SOAT1: variants seen among roughly 807,000 people sequenced by gnomAD.
The protein encoded by SOAT1 is sterol O-acyltransferase 1, also known as acyl-coenzyme A:cholesterol acyltransferase 1.
Under a neutral mutation model 69.5 loss-of-function variants are expected in SOAT1, and 55 were observed. The observed-to-expected ratio is 0.79, with a 90% CI of 0.64 to 0.99. SOAT1 has a LOEUF of 0.99. Among genes scored for constraint, SOAT1 ranks in the 50% least tolerant of loss-of-function variants. The pLI is 0.00. For missense variants in SOAT1, 580 were observed against 669.3 expected, an observed-to-expected ratio of 0.87 and a Z score of 1.47; for synonymous variants, 231 against 224.7, an observed-to-expected ratio of 1.03 and a Z score of -0.25.
At chr1:179,316,782 T>G (rs1441551354) in intron 2 of SOAT1, among the ~76,000 whole-genome samples, 1 of 152,234 alleles carries the variant, frequency 6.6e-6, no homozygotes, top group African/African-American at 2.4e-5. Context: ...TCAGCTATAA[T>G]CACCTCAAAT....
At position 179,356,936 on chromosome 1, in the gene SOAT1, A is replaced by C. The variant is rs1270168312; in HGVS notation, c.*3295A>C. The C allele has an allele frequency of 6.6e-6, 1 of 151,006 alleles. No homozygotes were observed. Among genetic ancestry groups the C allele is most frequent in the Non-Finnish European group, 1.5e-5 (1 of 67,840 alleles). 9.4% of individuals were successfully genotyped at this position (151,006 alleles called of 1,614,324 possible). A position where few individuals can be genotyped will look rare whatever the true frequency, so the allele number is the denominator to read the frequency against. On this transcript the variant is annotated 3_prime_UTR_variant, in exon 16 of 16. Coordinates refer to ENST00000367619, the MANE Select transcript of SOAT1 (RefSeq NM_003101.6). ...ACTCTTCACCTCAAGCAAAACTCCC[A>C]CTGCAGAAAGCTTTGGGATTACAGG... is the stretch of plus-strand genomic sequence containing the variant.
chr1:179,341,038 G>C lies in SOAT1; in HGVS notation c.508G>C (p.Glu170Gln), dbSNP rs892094540. 7.4e-6 allele frequency: 12 copies of C among 1,613,688 alleles called. No homozygotes were observed. The Admixed American group carries it at 1.0e-4, about 13-fold the overall frequency. The change falls in exon 7 of 16, where the codon GAG becomes CAG. Residue 170 changes from glutamate to glutamine, a missense_variant. Physicochemically the swap from Glu to Gln is conservative, Grantham distance 29. Coordinates refer to ENST00000367619, the MANE Select transcript of SOAT1 (RefSeq NM_003101.6). ...ACCTTTTCTCCCCAGGCTGGTGCTT[G>C]AGTTCAGCCTCCTGTCTTATGCTTT... ...DYIDEGRLVL[E>Q]FSLLSYAFGK... is the part of the protein sequence containing the mutation.
At chr1:179,352,959 A>G (rs1443721904) in intron 15 of SOAT1, among the ~76,000 whole-genome samples, 1 of 150,976 alleles carries the variant, frequency 6.6e-6, no homozygotes, top group African/African-American at 2.4e-5. Flanking sequence ...TGATTTTTCA[A>G]ATGCTTGCTT....
chr1:179,301,111 A>C (rs531835404), intron 1 of SOAT1, among the ~76,000 whole-genome samples: 41 of 152,090 alleles, frequency 2.7e-4, no homozygotes, highest in South Asian at 1.0e-3. Context: ...ATAAATAAAT[A>C]ATTTTGAGAT....
intron 2 of SOAT1, among the ~76,000 whole-genome samples, chr1:179,310,208 A>ATT (rs35647660): frequency 0.016 from 2,425 of 150,244 alleles, 25 homozygotes; most frequent in African/African-American, 0.026. Flanking sequence ...CTGCTTATAG[A>ATT]TATTTTTTTT....
At chr1:179,349,876 C>G (rs531604863) in intron 13 of SOAT1, among the ~76,000 whole-genome samples, 18 of 152,178 alleles carry the variant, frequency 1.2e-4, no homozygotes, top group Non-Finnish European at 2.6e-4. Flanking sequence ...TTCTGTCATT[C>G]AAGTGTAGTT....
intron 2 of SOAT1, among the ~76,000 whole-genome samples, chr1:179,307,826 T>C (rs1665061956): frequency 6.6e-6 from 1 of 151,764 alleles, no homozygotes; most frequent in African/African-American, 2.4e-5. Flanking sequence ...AGTTTTGCTC[T>C]TGTTGCCCAG....
chr1:179,327,821 G>A (rs1324204116), intron 3 of SOAT1, among the ~76,000 whole-genome samples: 1 of 152,102 alleles, frequency 6.6e-6, no homozygotes, highest in African/African-American at 2.4e-5. Flanking sequence ...AGTGAGGGAA[G>A]TGATAACATG....
Position 179,351,013 on chromosome 1 carries a change from A to ATTTC in SOAT1, c.1451-296_1451-293dup, listed in dbSNP as rs1290612319. ...ATAAATTATGTTTTGATACCTGTAT[A>ATTTC]TTTCTTTCTTTTTTTTTTTTTTTTT... On this transcript the variant is annotated intron_variant, in intron 14 of 15. Coordinates refer to ENST00000367619, the MANE Select transcript of SOAT1 (RefSeq NM_003101.6). Among the ~76,000 whole-genome samples, 202 of 75,140 alleles carry ATTTC rather than the reference A, an allele frequency of 2.7e-3. 39 individuals carry two copies. Among genetic ancestry groups the ATTTC allele is most frequent in the Non-Finnish European group, 2.4e-3 (91 of 38,426 alleles). 49.3% of individuals were successfully genotyped at this position (75,140 alleles called of 152,430 possible). A position where few individuals can be genotyped will look rare whatever the true frequency, so the allele number is the denominator to read the frequency against.
chr1:179,327,906 A>G (rs1025129175), intron 3 of SOAT1, among the ~76,000 whole-genome samples: 1 of 152,176 alleles, frequency 6.6e-6, no homozygotes, highest in African/African-American at 2.4e-5. Flanking sequence ...CTTGTTAAAA[A>G]AGGTTTTCAG....
intron 2 of SOAT1, among the ~76,000 whole-genome samples, chr1:179,305,742 T>C (rs1289391184): frequency 6.6e-6 from 1 of 152,202 alleles, no homozygotes; most frequent in Non-Finnish European, 1.5e-5. Flanking sequence ...CCAAGACTTA[T>C]TATCTGTCTT....
chr1:179,299,570 A>G (rs1362506832), intron 1 of SOAT1, among the ~76,000 whole-genome samples: 1 of 152,100 alleles, frequency 6.6e-6, no homozygotes, highest in African/African-American at 2.4e-5. Context: ...GAAAATAACA[A>G]TAGTATCTGT....
intron 3 of SOAT1, among the ~76,000 whole-genome samples, chr1:179,332,397 T>C (rs1666002396): frequency 6.6e-6 from 1 of 152,240 alleles, no homozygotes; most frequent in African/African-American, 2.4e-5. Context: ...ATAGGGTCTT[T>C]GTATTATGGT....
intron 11 of SOAT1, among the ~76,000 whole-genome samples, chr1:179,345,986 T>TACCTAGTACTATGCCAGGTGCA (rs1666521053): frequency 6.6e-6 from 1 of 152,242 alleles, no homozygotes; most frequent in East Asian, 1.9e-4. Flanking sequence ...GACTCAGAAG[T>TACCTAGTACTATGCCAGGTGCA]GAACAAGAGA....
intron 3 of SOAT1, among the ~76,000 whole-genome samples, chr1:179,334,963 C>T (rs1033474276): frequency 7.6e-5 from 11 of 145,448 alleles, no homozygotes; most frequent in African/African-American, 1.8e-4. Context: ...TGCGGTGAGC[C>T]GAGATCGTGC....
chr1:179,324,689 T>G (rs1328885745), intron 3 of SOAT1, among the ~76,000 whole-genome samples: 2 of 152,236 alleles, frequency 1.3e-5, no homozygotes, highest in Non-Finnish European at 1.5e-5. Context: ...GTGCTTTGTT[T>G]CTCCATCATA....
At chr1:179,318,619 C>T (rs1665478341) in intron 2 of SOAT1, among the ~76,000 whole-genome samples, 2 of 151,992 alleles carry the variant, frequency 1.3e-5, no homozygotes, top group Admixed American at 6.6e-5. Flanking sequence ...CCCTTTTTGC[C>T]ATAACCCCGC....
intron 14 of SOAT1, 150 bp downstream of exon 14, chr1:179,350,581 CT>C: frequency 1.4e-6 from 1 of 709,492 alleles, no homozygotes; most frequent in South Asian, 2.1e-5. Context: ...AGAATATTGA[CT>C]TTGAATAATT....
intron 15 of SOAT1, among the ~76,000 whole-genome samples, 162 bp from the exon 16 acceptor site, chr1:179,353,423 C>T (rs74608043): frequency 0.014 from 2,121 of 150,930 alleles, 17 homozygotes; most frequent in Non-Finnish European, 0.023. Flanking sequence ...AAGTACTGAA[C>T]ATCTTTTGAA....
Sources: allele counts gnomAD v4.1 joint callset (sites outside exome capture counted in the v4.1 genomes callset), GRCh38; gene constraint gnomAD v4.1.1; transcripts MANE v1.5; gene names NCBI Gene and HGNC (gene_info 2026-07-23, HGNC 2026-07-21).